The following ANKS1B variants were observed in gnomAD, a reference collection of about 807,000 sequenced individuals.
The protein encoded by ANKS1B is ankyrin repeat and sterile alpha motif domain-containing protein 1B.
Under a neutral mutation model 148.3 loss-of-function variants are expected in ANKS1B, and 36 were observed. The ratio of observed to expected loss-of-function variants is 0.24; its 90% CI spans 0.19 to 0.32. The LOEUF (loss-of-function observed/expected upper bound fraction) is 0.32, where lower values mean the gene tolerates loss of function less well. ANKS1B is among the 10% of genes least tolerant of loss of function. ANKS1B has a pLI of 1.00. For synonymous variants in ANKS1B, 542 were observed against 560.8 expected, an observed-to-expected ratio of 0.97 and a Z score of 0.47; for missense variants, 1,157 against 1,542.6, an observed-to-expected ratio of 0.75 and a Z score of 4.19.
rs1158085859 is a variant in ANKS1B at position 98,894,879 on chromosome 12, C to G, written c.2779-62743G>C. 8.7e-5 allele frequency: 84 copies of G among 961,734 alleles called. 1 individual carries two copies. In the South Asian group the frequency reaches 3.6e-3, roughly 42 times the overall value. The allele number at this position is 961,734 out of a possible 1,614,324, so 59.6% of individuals were successfully genotyped here. On this transcript the variant is annotated intron_variant, in intron 17 of 26. Transcript: ENST00000683438. ...GCTCTCCCCGCGAGCTCCCCGGGCC[C>G]GCGCGCGCGCCCCCCACTGCCCCCG...
intron 1 of ANKS1B, among the ~76,000 whole-genome samples, chr12:99,941,011 T>C (rs2094905957): frequency 6.6e-6 from 1 of 152,188 alleles, no homozygotes; most frequent in East Asian, 1.9e-4. Context: ...TCTTCCTCAA[T>C]AGATGTCAAG....
At chr12:98,989,249 A>G (rs547965345) in intron 17 of ANKS1B, among the ~76,000 whole-genome samples, 4 of 152,298 alleles carry the variant, frequency 2.6e-5, no homozygotes, top group Admixed American at 2.6e-4. Flanking sequence ...TGGGTCTAAC[A>G]TTTATGGCTT....
intron 8 of ANKS1B, among the ~76,000 whole-genome samples, chr12:99,713,529 T>C (rs1054482367): frequency 1.3e-5 from 2 of 152,112 alleles, no homozygotes; most frequent in African/African-American, 4.8e-5. Flanking sequence ...CTCGGCTAAA[T>C]CTCCACGCTC....
intron 14 of ANKS1B, among the ~76,000 whole-genome samples, chr12:99,190,377 A>G (rs1377815388): frequency 6.6e-6 from 1 of 152,236 alleles, no homozygotes; most frequent in Non-Finnish European, 1.5e-5. Context: ...AAGAGCCCAT[A>G]TATCCAAGAT....
At chr12:99,456,878 C>T (rs1467696092) in intron 10 of ANKS1B, among the ~76,000 whole-genome samples, 1 of 152,012 alleles carries the variant, frequency 6.6e-6, no homozygotes, top group African/African-American at 2.4e-5. Context: ...ACTTTCCCAG[C>T]CTTGCTAGAG....
chr12:98,876,555 A>G (rs754098463), intron 17 of ANKS1B, among the ~76,000 whole-genome samples: 2 of 152,258 alleles, frequency 1.3e-5, no homozygotes, highest in Non-Finnish European at 2.9e-5. Flanking sequence ...TTCTAGCACC[A>G]TACCTGGCCC....
chr12:99,339,065 A>G (rs754396390), intron 12 of ANKS1B, among the ~76,000 whole-genome samples: 2 of 152,118 alleles, frequency 1.3e-5, no homozygotes, highest in Non-Finnish European at 1.5e-5. Flanking sequence ...CCCAAGTCCA[A>G]TGGCTTGGAA....
At chr12:98,871,575 T>C (rs535132674) in intron 17 of ANKS1B, among the ~76,000 whole-genome samples, 2 of 152,292 alleles carry the variant, frequency 1.3e-5, no homozygotes, top group Admixed American at 6.5e-5. Flanking sequence ...CCAAAGAAGA[T>C]ACTAGAAAAA....
intron 1 of ANKS1B, among the ~76,000 whole-genome samples, chr12:99,922,875 A>G (rs2094394078): frequency 6.6e-6 from 1 of 152,016 alleles, no homozygotes; most frequent in Non-Finnish European, 1.5e-5. Context: ...ATGAGATAAC[A>G]CAGCATGAAG....
chr12:99,770,743 C>T (rs1172898083), intron 8 of ANKS1B, among the ~76,000 whole-genome samples: 1 of 152,016 alleles, frequency 6.6e-6, no homozygotes, highest in Non-Finnish European at 1.5e-5. Context: ...TCAAACTACA[C>T]TTCTACTCTC....
At chr12:99,404,277 T>A (rs1332000286) in intron 11 of ANKS1B, among the ~76,000 whole-genome samples, 1 of 145,494 alleles carries the variant, frequency 6.9e-6, no homozygotes, top group African/African-American at 2.6e-5. Flanking sequence ...CCCATGATAC[T>A]ATTTTACCTA....
intron 9 of ANKS1B, among the ~76,000 whole-genome samples, chr12:99,624,156 A>T (rs190283323): frequency 6.2e-4 from 95 of 152,228 alleles, no homozygotes; most frequent in African/African-American, 2.2e-3. Context: ...CAAGGGTGAA[A>T]GCTCCTCTTA....
At chr12:98,899,836 A>T (rs888266262) in intron 17 of ANKS1B, among the ~76,000 whole-genome samples, 5 of 152,242 alleles carry the variant, frequency 3.3e-5, no homozygotes, top group Admixed American at 3.3e-4. Flanking sequence ...CCCTTATTGA[A>T]CATCTCTCAC....
At chr12:99,318,579 T>G (rs2084616277) in intron 12 of ANKS1B, among the ~76,000 whole-genome samples, 2 of 152,154 alleles carry the variant, frequency 1.3e-5, no homozygotes, top group Non-Finnish European at 1.5e-5. Context: ...TTATTAGTCT[T>G]GCTAGTGGTC....
intron 15 of ANKS1B, among the ~76,000 whole-genome samples, chr12:99,123,333 G>A (rs372799675): frequency 3.1e-4 from 47 of 152,262 alleles, no homozygotes; most frequent in Middle Eastern, 3.4e-3. Flanking sequence ...ATGGAAGAAC[G>A]TTTTAAACAG....
intron 17 of ANKS1B, among the ~76,000 whole-genome samples, chr12:98,880,183 T>A (rs935556856): frequency 6.6e-6 from 1 of 152,178 alleles, no homozygotes; most frequent in African/African-American, 2.4e-5. Context: ...AGTCAGTAAA[T>A]ACTAAAAGTG....
chr12:99,385,293 A>AC (rs775560779), intron 12 of ANKS1B, among the ~76,000 whole-genome samples: 46 of 152,070 alleles, frequency 3.0e-4, no homozygotes, highest in Non-Finnish European at 5.9e-4. Context: ...ACATGGCAAA[A>AC]CCCCATCTCT....
chr12:99,444,532 A>G (rs2095604792), intron 10 of ANKS1B, among the ~76,000 whole-genome samples: 1 of 151,952 alleles, frequency 6.6e-6, no homozygotes, highest in Admixed American at 6.6e-5. Flanking sequence ...TTTTTTTCTT[A>G]AATTCATATT....
rs543135167 is a variant in ANKS1B, at chr12:99,473,741, C to T, written c.1439-29932G>A. ...ATTCATTTTCAGGGAATTGTCTTTG[C>T]CAATTGTTTCCATTCTTTGTTTGCT... On this transcript the variant is annotated intron_variant, in intron 10 of 26. Coordinates refer to ENST00000683438, the MANE Select transcript of ANKS1B (RefSeq NM_001352186.2). Among the ~76,000 whole-genome samples the T allele has an allele frequency of 2.6e-5, 4 of 152,070 alleles. No homozygotes were observed. The East Asian group carries it at 5.8e-4, about 22-fold the overall frequency.
Sources: gnomAD v4.1 joint callset for allele counts (sites outside exome capture counted in the v4.1 genomes callset) on GRCh38, gnomAD v4.1.1 for gene constraint, MANE v1.5 for transcripts, NCBI Gene and HGNC (gene_info 2026-07-23, HGNC 2026-07-21) for gene names.